Variants in ASCC1 observed in about 807,000 individuals in gnomAD.
ASCC1 encodes ASC-1 complex subunit P50.
ASCC1 carries 35 observed loss-of-function variants against 46.6 expected under a neutral mutation model. That is an observed-to-expected ratio of 0.75 (90% CI 0.57 to 0.99). The LOEUF (loss-of-function observed/expected upper bound fraction) is 0.99, where lower values mean the gene tolerates loss of function less well. ASCC1 is among the 50% of genes least tolerant of loss of function. The pLI, the probability that ASCC1 is intolerant of heterozygous loss-of-function variation, is 0.00. For missense variants in ASCC1, 376 were observed against 428.7 expected, an observed-to-expected ratio of 0.88 and a Z score of 1.09; for synonymous variants, 143 against 146.6, an observed-to-expected ratio of 0.98 and a Z score of 0.18.
At chr10:72,116,775 T>C (rs930714469) in intron 9 of ASCC1, among the ~76,000 whole-genome samples, 3 of 152,188 alleles carry the variant, frequency 2.0e-5, no homozygotes, top group African/African-American at 7.2e-5. Flanking sequence ...TTCTTTTTAA[T>C]AGTTCCCAAT....
intron 5 of ASCC1, chr10:72,190,297 T>C: frequency 2.4e-6 from 2 of 831,676 alleles, no homozygotes; most frequent in Non-Finnish European, 4.2e-6. Context: ...TGAATTTATA[T>C]TTAGATCTAT....
intron 5 of ASCC1, among the ~76,000 whole-genome samples, chr10:72,181,818 T>C (rs1408805787): frequency 6.6e-6 from 1 of 152,016 alleles, no homozygotes; most frequent in African/African-American, 2.4e-5. Flanking sequence ...CCCGAGTACC[T>C]GGGATTATAA....
At chr10:72,113,474 A>G (rs1843146906) in intron 9 of ASCC1, among the ~76,000 whole-genome samples, 1 of 152,248 alleles carries the variant, frequency 6.6e-6, no homozygotes. Context: ...CCATGTTAAC[A>G]ATGGTTTCAC....
chr10:72,097,544 C>A, intron 9 of ASCC1, 94 bp from the exon 10 acceptor site: 1 of 743,720 alleles, frequency 1.3e-6, no homozygotes, highest in South Asian at 1.5e-5. Flanking sequence ...CAAACCACAA[C>A]AATCCCAACA....
intron 9 of ASCC1, among the ~76,000 whole-genome samples, chr10:72,114,025 T>A (rs1411895258): frequency 6.6e-6 from 1 of 152,236 alleles, no homozygotes; most frequent in East Asian, 1.9e-4. Flanking sequence ...CAATATTTTT[T>A]ATTAATACCT....
In ASCC1 at chr10:72,097,118, AGG is replaced by A. The variant is rs1240361173; in HGVS notation, c.*214_*215del. ...AAAGAAAAAAAACCAGAACACACTA[AGG>A]GTTATAGGCACAAATTCTCCTTATG... On this transcript the variant is annotated 3_prime_UTR_variant, in exon 10 of 10. Coordinates refer to ENST00000672957, the MANE Select transcript of ASCC1 (RefSeq NM_001198800.3). 4 of 625,978 alleles carry A rather than the reference AGG, an allele frequency of 6.4e-6. No individual in the cohort carries two copies. Among genetic ancestry groups the A allele is most frequent in the Non-Finnish European group, 9.0e-6 (3 of 334,358 alleles). The allele number at this position is 625,978 out of a possible 1,614,324, so 38.8% of individuals were successfully genotyped here. A position where few individuals can be genotyped will look rare whatever the true frequency, so the allele number is the denominator to read the frequency against.
At chr10:72,159,977 T>C (rs1849442788) in intron 6 of ASCC1, among the ~76,000 whole-genome samples, 1 of 149,572 alleles carries the variant, frequency 6.7e-6, no homozygotes, top group Admixed American at 6.8e-5. Context: ...CAATCTCGGC[T>C]CACTGCAAGC....
chr10:72,108,076 C>CTTTTTTTTTTT (rs375287948), intron 9 of ASCC1, among the ~76,000 whole-genome samples: 3 of 128,344 alleles, frequency 2.3e-5, no homozygotes, highest in African/African-American at 2.9e-5. Context: ...TTTTCTTTTT[C>CTTTTTTTTTTT]TTTTTTTTTT....
intron 1 of ASCC1, 53 bp downstream of exon 1, chr10:72,216,154 G>C (rs918159388): frequency 6.5e-6 from 1 of 152,994 alleles, no homozygotes; most frequent in Admixed American, 6.5e-5. Flanking sequence ...AGGCCGAGGG[G>C]TCGAGGGCCC....
chr10:72,134,395 C>T (rs900622560), intron 7 of ASCC1: 6 of 152,304 alleles, frequency 3.9e-5, no homozygotes, highest in African/African-American at 1.4e-4. Context: ...GATTGTGCCA[C>T]TGCACTCTAG....
chr10:72,164,462 A>G (rs1312759247), intron 5 of ASCC1, among the ~76,000 whole-genome samples: 1 of 151,738 alleles, frequency 6.6e-6, no homozygotes, highest in East Asian at 1.9e-4. Flanking sequence ...TAGCATTATC[A>G]CTCCTTCACT....
chr10:72,109,521 GCAGA>G (rs1842699676), intron 9 of ASCC1, among the ~76,000 whole-genome samples: 1 of 152,204 alleles, frequency 6.6e-6, no homozygotes, highest in Non-Finnish European at 1.5e-5. Flanking sequence ...CTGGCAGAAG[GCAGA>G]CAAACAGAGC....
intron 5 of ASCC1, among the ~76,000 whole-genome samples, chr10:72,178,215 T>C (rs1852103846): frequency 6.6e-6 from 1 of 152,208 alleles, no homozygotes; most frequent in Non-Finnish European, 1.5e-5. Context: ...CACAACAACG[T>C]TTAACAATGA....
At chr10:72,179,112 T>G (rs1273287149) in intron 5 of ASCC1, among the ~76,000 whole-genome samples, 1 of 151,992 alleles carries the variant, frequency 6.6e-6, no homozygotes, top group Non-Finnish European at 1.5e-5. Flanking sequence ...GCTGCTTGTT[T>G]TTGTTGTTGT....
chr10:72,128,308 G>A (rs566259380), intron 8 of ASCC1, 141 bp from the exon 9 acceptor site: 1 of 716,354 alleles, frequency 1.4e-6, no homozygotes, highest in East Asian at 2.7e-5. Flanking sequence ...AAAATGTCAG[G>A]CTATGAATCA....
At chr10:72,190,666 C>A in intron 5 of ASCC1, 1 of 694,824 alleles carries the variant, frequency 1.4e-6, no homozygotes, top group Non-Finnish European at 2.3e-6. Flanking sequence ...TAAAGCTAGT[C>A]TGCAAATTAT....
chr10:72,197,087 T>C (rs1855547545), intron 4 of ASCC1, 98 bp from the exon 5 acceptor site: 2 of 1,073,602 alleles, frequency 1.9e-6, no homozygotes, highest in Non-Finnish European at 2.9e-6. Flanking sequence ...CTAAAGCAGT[T>C]CTGAATGCGT....
At chr10:72,194,619 TAAC>T (rs1213379505) in intron 5 of ASCC1, among the ~76,000 whole-genome samples, 1 of 151,598 alleles carries the variant, frequency 6.6e-6, no homozygotes, top group African/African-American at 2.4e-5. Flanking sequence ...TCAGCACTCA[TAAC>T]AAAATAGAAA....
intron 7 of ASCC1, among the ~76,000 whole-genome samples, chr10:72,137,797 A>G (rs1846439800): frequency 6.6e-6 from 1 of 152,030 alleles, no homozygotes; most frequent in East Asian, 1.9e-4. Context: ...ATCAGAAAAA[A>G]TTTTCAGATA....
Sources: allele counts gnomAD v4.1 joint callset (sites outside exome capture counted in the v4.1 genomes callset), GRCh38; gene constraint gnomAD v4.1.1; transcripts MANE v1.5; gene names NCBI Gene and HGNC (gene_info 2026-07-23, HGNC 2026-07-21).